Variants in ROCK2 observed in about 807,000 individuals in gnomAD.
ROCK2 encodes the protein Rho associated coiled-coil containing protein kinase 2.
ROCK2 carries 61 observed loss-of-function variants against 195.1 expected under a neutral mutation model. That is an observed-to-expected ratio of 0.31 (90% CI 0.25 to 0.39). The LOEUF (loss-of-function observed/expected upper bound fraction) is 0.39. ROCK2 is among the 10% of genes least tolerant of loss of function. The probability of loss-of-function intolerance (pLI) is 1.00; values close to 1 mark genes in which losing one functional copy is unlikely to be tolerated. For missense variants in ROCK2, 1,109 were observed against 1,637.4 expected (o/e 0.68, Z 5.57); for synonymous variants, 504 against 545.5 (o/e 0.92, Z 1.06).
intron 1 of ROCK2, among the ~76,000 whole-genome samples, chr2:11,298,204 A>G (rs1242756465): frequency 6.6e-6 from 1 of 152,168 alleles, no homozygotes; most frequent in Admixed American, 6.5e-5. Context: ...GGCCAGGCAC[A>G]GTGGCCTGTA....
At chr2:11,246,683 T>C (rs936660431) in intron 4 of ROCK2, among the ~76,000 whole-genome samples, 4 of 152,130 alleles carry the variant, frequency 2.6e-5, no homozygotes, top group African/African-American at 9.7e-5. Context: ...TAATTTATAT[T>C]AACAAAAATG....
At chr2:11,303,245 GT>G (rs1667759918) in intron 1 of ROCK2, among the ~76,000 whole-genome samples, 2 of 152,172 alleles carry the variant, frequency 1.3e-5, no homozygotes, top group African/African-American at 4.8e-5. Context: ...CAAAGAAGAT[GT>G]CACTTTGTCC....
At chr2:11,211,418 G>A (rs1004213948) in intron 18 of ROCK2, among the ~76,000 whole-genome samples, 1 of 152,080 alleles carries the variant, frequency 6.6e-6, no homozygotes, top group African/African-American at 2.4e-5. Context: ...ATATAATATT[G>A]AGAAATATTA....
intron 10 of ROCK2, 116 bp downstream of exon 10, chr2:11,218,850 A>C: frequency 1.7e-6 from 1 of 578,686 alleles, no homozygotes; most frequent in South Asian, 2.5e-5. Flanking sequence ...TTACACAAGG[A>C]ATGCCATCTC....
intron 3 of ROCK2, among the ~76,000 whole-genome samples, chr2:11,285,261 T>TAAA (rs35144359): frequency 3.4e-5 from 4 of 117,240 alleles, no homozygotes; most frequent in African/African-American, 1.3e-4. Flanking sequence ...AAACTCTGTC[T>TAAA]AAAAAAAAAA....
At chr2:11,256,468 G>A (rs889740668) in intron 3 of ROCK2, among the ~76,000 whole-genome samples, 15 of 151,310 alleles carry the variant, frequency 9.9e-5, no homozygotes, top group Non-Finnish European at 1.6e-4. Flanking sequence ...TTCCTGTACG[G>A]CCTGCAGAAC....
chr2:11,200,849 A>G (rs966437259), intron 23 of ROCK2, 108 bp downstream of exon 23: 15 of 925,538 alleles, frequency 1.6e-5, no homozygotes, highest in African/African-American at 1.2e-4. Flanking sequence ...TCTTGTAGTC[A>G]GCATATATAA....
rs75322580 is a variant in ROCK2, at chr2:11,315,455, A to G, written c.142-27719T>C. On this transcript the variant is annotated intron_variant, in intron 1 of 32. Coordinates refer to ENST00000315872, the MANE Select transcript of ROCK2 (RefSeq NM_004850.5). ...AGTTTAAAATTTTTTTAATTAAATT[A>G]TGAATAAAACTAGTAAAAAAAAACA... Among the ~76,000 whole-genome samples, 1,158 of 151,690 alleles carry G rather than the reference A, an allele frequency of 7.6e-3. 6 individuals carry two copies. Among genetic ancestry groups the G allele is most frequent in the Non-Finnish European group, 0.013 (856 of 67,766 alleles).
chr2:11,235,959 A>G lies in ROCK2; in HGVS notation c.466T>C (p.Phe156Leu), dbSNP rs1665187363. The G allele has an allele frequency of 7.0e-7, 1 of 1,421,978 alleles. No individual in the cohort carries two copies. The highest frequency in any genetic ancestry group is 2.5e-5 in the East Asian group (1 of 39,800). The allele number at this position is 1,421,978 out of a possible 1,614,324, so 88.1% of individuals were successfully genotyped here. The part of the protein sequence containing the change: ...FANSPWVVQL[F>L]YAFQDDRYLY... ...TACCTATCATCTTGAAAGGCATAAAAAAGCTGGAAAACAAAAGGAAAAGGA... is the reference window on the plus strand; with the variant it reads ...TACCTATCATCTTGAAAGGCATAAAGAAGCTGGAAAACAAAAGGAAAAGGA... Residue 156 changes from phenylalanine (F) to leucine (L), a missense_variant, in exon 5 of 33, where the codon TTT (phenylalanine) becomes CTT (leucine). Around this residue, in one of 6 missense-constraint regions of ROCK2, gnomAD observed 253 missense variants for 455.5 expected, o/e 0.56. Transcript: ENST00000315872. This position sits in a 1 kb window ranked among gnomAD's most constrained non-coding sequence, Gnocchi z 4.2.
Position 11,256,331 on chromosome 2 carries a change from G to A in ROCK2, c.325-6533C>T, listed in dbSNP as rs1209638927. Reference sequence around the variant, plus strand: ...TGATAGTGAGTTCTCATGAGATCTGGTTGTTAAAAGTATATGGCATTCTCC... The same window carrying A: ...TGATAGTGAGTTCTCATGAGATCTGATTGTTAAAAGTATATGGCATTCTCC... On this transcript the variant is annotated intron_variant, in intron 3 of 32. Coordinates refer to ENST00000315872, the MANE Select transcript of ROCK2 (RefSeq NM_004850.5). 2.0e-5 allele frequency among the ~76,000 whole-genome samples: 3 copies of A among 151,158 alleles called. No homozygotes were observed. In the East Asian group the frequency reaches 5.8e-4, roughly 29 times the overall value.
intron 3 of ROCK2, among the ~76,000 whole-genome samples, chr2:11,271,982 T>C (rs1457211203): frequency 6.9e-6 from 1 of 145,186 alleles, no homozygotes; most frequent in East Asian, 2.0e-4. Flanking sequence ...ATCACACCAC[T>C]GCACTCCAGC....
intron 6 of ROCK2, among the ~76,000 whole-genome samples, chr2:11,226,646 T>A (rs988547672): frequency 1.3e-5 from 2 of 152,058 alleles, no homozygotes; most frequent in African/African-American, 4.8e-5. Flanking sequence ...GTGTGGTGGT[T>A]CATGCCTAAA....
At chr2:11,279,333 GA>G (rs1363861737) in intron 3 of ROCK2, among the ~76,000 whole-genome samples, 3 of 152,014 alleles carry the variant, frequency 2.0e-5, no homozygotes, top group Non-Finnish European at 2.9e-5. Flanking sequence ...TAGATGGATG[GA>G]AAAAAATATA....
chr2:11,301,089 A>G (rs1667687476), intron 1 of ROCK2, among the ~76,000 whole-genome samples: 1 of 152,216 alleles, frequency 6.6e-6, no homozygotes. Flanking sequence ...AAAAAGCAAT[A>G]AAGCATATGT....
intron 25 of ROCK2, 55 bp downstream of exon 25, chr2:11,198,436 A>G: frequency 8.2e-7 from 1 of 1,223,680 alleles, no homozygotes; most frequent in East Asian, 2.3e-5. Flanking sequence ...GTAAAATGTA[A>G]AAGAGATAAA....
chr2:11,203,632 C>T (rs759612361), intron 20 of ROCK2, among the ~76,000 whole-genome samples: 1 of 152,030 alleles, frequency 6.6e-6, no homozygotes, highest in Non-Finnish European at 1.5e-5. Context: ...ATCCTCATTC[C>T]CATTTAACAT....
chr2:11,299,724 CTT>C (rs1419453746), intron 1 of ROCK2, among the ~76,000 whole-genome samples: 1 of 152,170 alleles, frequency 6.6e-6, no homozygotes, highest in African/African-American at 2.4e-5. Flanking sequence ...GCACGCTTCT[CTT>C]TTCTTCTTCT....
At chr2:11,326,113 C>A (rs1287347324) in intron 1 of ROCK2, among the ~76,000 whole-genome samples, 5 of 152,094 alleles carry the variant, frequency 3.3e-5, no homozygotes, top group Middle Eastern at 3.4e-3. Flanking sequence ...CAGTAGGTAG[C>A]TGGATATGTG....
intron 1 of ROCK2, among the ~76,000 whole-genome samples, chr2:11,313,407 G>C (rs958464549): frequency 2.0e-5 from 3 of 151,806 alleles, no homozygotes; most frequent in Admixed American, 2.0e-4. Context: ...AAATATTTTT[G>C]GGTTTTATAA....
Sources: gnomAD v4.1 joint callset for allele counts (sites outside exome capture counted in the v4.1 genomes callset) on GRCh38, gnomAD v4.1.1 for gene constraint, gnomAD v4.1.1 regional missense constraint, Gnocchi (gnomAD v3.1) non-coding constraint, MANE v1.5 for transcripts, NCBI Gene and HGNC (gene_info 2026-07-23, HGNC 2026-07-21) for gene names.